RFPL1: variants seen among roughly 807,000 people sequenced by gnomAD.
RFPL1 encodes ret finger protein-like 1.
Under a neutral mutation model 9.6 loss-of-function variants are expected in RFPL1, and 6 were observed. The observed-to-expected ratio is 0.62, with a 90% CI of 0.34 to 1.23. RFPL1 has a LOEUF of 1.23. RFPL1 is among the 50% of genes most tolerant of loss of function. The pLI, the probability that RFPL1 is intolerant of heterozygous loss-of-function variation, is 0.03. For synonymous variants in RFPL1, 145 were observed against 149.4 expected (o/e 0.97, Z 0.22); for missense variants, 352 against 398.4 (o/e 0.88, Z 0.99).
At chr22:29,396,699 G>C in the RFPL1 span, among the ~76,000 whole-genome samples, 1 of 151,982 alleles carries the variant, frequency 6.6e-6, no homozygotes, top group African/African-American at 2.4e-5. Flanking sequence ...GGCTGGTCTC[G>C]AACTCCTGGC....
At chr22:29,402,450 T>A in the RFPL1 span, among the ~76,000 whole-genome samples, 965 of 152,314 alleles carry the variant, frequency 6.3e-3, 14 homozygotes, top group African/African-American at 0.022. Context: ...AGTTGGTAGG[T>A]CCTAGCATTT....
the RFPL1 span, among the ~76,000 whole-genome samples, chr22:29,416,125 A>C: frequency 6.6e-6 from 1 of 152,200 alleles, no homozygotes; most frequent in Non-Finnish European, 1.5e-5. Flanking sequence ...TAGGGAAGCA[A>C]ACGCCCTCCC....
At chr22:29,412,942 C>A in the RFPL1 span, among the ~76,000 whole-genome samples, 2 of 152,114 alleles carry the variant, frequency 1.3e-5, no homozygotes, top group African/African-American at 4.8e-5. Flanking sequence ...CCACTGGGTG[C>A]AAGAGCGCCC....
exon 2 of RFPL1, chr22:29,442,022 C>T (rs768239846): frequency 1.2e-6 from 2 of 1,613,986 alleles, no homozygotes; most frequent in East Asian, 2.2e-5. Flanking sequence ...TTTTTTGCTC[C>T]TCCAAGTCCA....
the RFPL1 span, among the ~76,000 whole-genome samples, chr22:29,391,392 T>C: frequency 6.6e-6 from 1 of 152,130 alleles, no homozygotes; most frequent in South Asian, 2.1e-4. Flanking sequence ...ATGCAGCATG[T>C]GTGATATGCA....
the RFPL1 span, among the ~76,000 whole-genome samples, chr22:29,406,041 A>G: frequency 3.6e-5 from 5 of 137,964 alleles, no homozygotes; most frequent in Admixed American, 3.1e-4. Context: ...CCCGGGAAGC[A>G]GAGCTTGCAG....
chr22:29,395,442 G>T, the RFPL1 span, among the ~76,000 whole-genome samples: 1 of 142,824 alleles, frequency 7.0e-6, no homozygotes, highest in Non-Finnish European at 1.5e-5. Flanking sequence ...CATCCCTCCC[G>T]CCCAGCCCAG....
the RFPL1 span, among the ~76,000 whole-genome samples, chr22:29,420,000 C>T: frequency 5.3e-5 from 8 of 152,052 alleles, no homozygotes; most frequent in African/African-American, 1.7e-4. Flanking sequence ...AACAAAAGAC[C>T]CTTAAAAGGC....
chr22:29,420,916 C>T, the RFPL1 span, among the ~76,000 whole-genome samples: 1 of 152,112 alleles, frequency 6.6e-6, no homozygotes, highest in Non-Finnish European at 1.5e-5. Context: ...GCTGGGATTA[C>T]AGGCGTGATC....
the RFPL1 span, among the ~76,000 whole-genome samples, chr22:29,413,542 C>G: frequency 6.6e-6 from 1 of 152,092 alleles, no homozygotes; most frequent in Non-Finnish European, 1.5e-5. Flanking sequence ...AGTTTTTAGA[C>G]CAAAGAAAGC....
chr22:29,389,346 G>A, the RFPL1 span, among the ~76,000 whole-genome samples: 1 of 151,654 alleles, frequency 6.6e-6, no homozygotes, highest in Non-Finnish European at 1.5e-5. Context: ...TATAATTGCA[G>A]CACTGCACTC....
the RFPL1 span, among the ~76,000 whole-genome samples, chr22:29,404,348 A>G: frequency 6.4e-4 from 98 of 152,416 alleles, no homozygotes; most frequent in Non-Finnish European, 1.1e-3. Flanking sequence ...TTAACTGTTT[A>G]CTTTTCACCC....
At chr22:29,441,136 T>C (rs1334773548) in intron 1 of RFPL1, 3 of 205,264 alleles carry the variant, frequency 1.5e-5, no homozygotes, top group Non-Finnish European at 3.0e-5. Flanking sequence ...TCATGCTCTA[T>C]ATACTGAGTT....
At chr22:29,424,050 C>T in the RFPL1 span, among the ~76,000 whole-genome samples, 42 of 152,106 alleles carry the variant, frequency 2.8e-4, no homozygotes, top group East Asian at 1.9e-3. Flanking sequence ...CGTGGTGGTG[C>T]GTGCCTGTAA....
the RFPL1 span, among the ~76,000 whole-genome samples, chr22:29,397,907 G>A: frequency 6.6e-6 from 1 of 152,210 alleles, no homozygotes; most frequent in Non-Finnish European, 1.5e-5. Flanking sequence ...CATGTCCAAG[G>A]GGACAATGAT....
the RFPL1 span, among the ~76,000 whole-genome samples, chr22:29,417,065 C>T: frequency 2.6e-5 from 4 of 152,062 alleles, no homozygotes; most frequent in African/African-American, 7.2e-5. Flanking sequence ...TTCCTGATCC[C>T]CAACAGGCAG....
At chr22:29,442,126 C>T in exon 2 of RFPL1, 9 of 1,513,934 alleles carry the variant, frequency 5.9e-6, no homozygotes, top group Non-Finnish European at 8.0e-6. Context: ...CAAATAAGCC[C>T]CCACTGCAAA....
chr22:29,438,648 T>C (rs76673757), exon 1 of RFPL1: 1 of 1,500,352 alleles, frequency 6.7e-7, no homozygotes. Context: ...TCCACCTCAG[T>C]TCAGAGCACA....
chr22:29,401,076 A>C, the RFPL1 span, among the ~76,000 whole-genome samples: 1 of 151,460 alleles, frequency 6.6e-6, no homozygotes, highest in African/African-American at 2.4e-5. Context: ...TTCTCTCCAA[A>C]CCCCTCCCCT....
Sources: allele counts gnomAD v4.1 joint callset (sites outside exome capture counted in the v4.1 genomes callset), GRCh38; gene constraint gnomAD v4.1.1; transcripts MANE v1.5; gene names NCBI Gene and HGNC (gene_info 2026-07-23, HGNC 2026-07-21).